The following NARS2 variants were observed in gnomAD, a reference collection of about 807,000 sequenced individuals.
NARS2 encodes asparaginyl-tRNA synthetase 2, mitochondrial.
In NARS2, 60 loss-of-function variants were observed where a neutral mutation model predicts 62.9. The ratio of observed to expected loss-of-function variants is 0.95; its 90% confidence interval spans 0.77 to 1.18. NARS2 has a LOEUF of 1.18. Among genes scored for constraint, NARS2 ranks in the 50% most tolerant of loss-of-function variants. NARS2 has a pLI of 0.00. For missense variants in NARS2, 619 were observed against 576.4 expected (o/e 1.07, Z -0.76); for synonymous variants, 196 against 200.0 (o/e 0.98, Z 0.17).
intron 5 of NARS2, among the ~76,000 whole-genome samples, chr11:78,536,768 G>A (rs1409109436): frequency 6.6e-6 from 1 of 152,048 alleles, no homozygotes; most frequent in Non-Finnish European, 1.5e-5. Flanking sequence ...TAAGTACATA[G>A]GTTTGCAAAG....
intron 6 of NARS2, among the ~76,000 whole-genome samples, chr11:78,516,273 C>A (rs1404410503): frequency 6.6e-6 from 1 of 152,140 alleles, no homozygotes. Flanking sequence ...ATAAAATGCT[C>A]TACAATAATG....
At chr11:78,438,119 C>T (rs923131362) in intron 13 of NARS2, among the ~76,000 whole-genome samples, 3 of 152,040 alleles carry the variant, frequency 2.0e-5, no homozygotes, top group African/African-American at 7.2e-5. Flanking sequence ...TAAAGACTGT[C>T]CATCAACCTA....
intron 4 of NARS2, among the ~76,000 whole-genome samples, chr11:78,560,987 G>A (rs1425722862): frequency 2.0e-5 from 3 of 152,198 alleles, no homozygotes; most frequent in Non-Finnish European, 4.4e-5. Flanking sequence ...GTGGGGAAGG[G>A]GAGGTGGAGA....
At chr11:78,530,051 T>C (rs1861423977) in intron 5 of NARS2, among the ~76,000 whole-genome samples, 1 of 152,182 alleles carries the variant, frequency 6.6e-6, no homozygotes. Flanking sequence ...TGTGGATAAA[T>C]AAAAAATGTA....
In NARS2 at chr11:78,440,738, G is replaced by C. The variant is rs546355413; in HGVS notation, c.1289+353C>G. 2.0e-5 allele frequency among the ~76,000 whole-genome samples: 3 copies of C among 152,004 alleles called. No individual in the cohort carries two copies. In the South Asian group the frequency reaches 6.2e-4, roughly 32 times the overall value. On this transcript the variant is annotated intron_variant, in intron 13 of 13. Coordinates refer to ENST00000281038, the MANE Select transcript of NARS2 (RefSeq NM_024678.6). ...AGTAGAGATGGGGTTTCACCATGCT[G>C]GCCAGGCTGGTCTCCAACTCCTGAC...
intron 11 of NARS2, 35 bp from the exon 12 acceptor site, chr11:78,443,793 T>A (rs1213806546): frequency 6.8e-7 from 1 of 1,466,982 alleles, no homozygotes; most frequent in Non-Finnish European, 9.5e-7. Flanking sequence ...GCATTATATT[T>A]TCAGGTGATT....
chr11:78,445,218 A>C (rs1243525325), intron 11 of NARS2, among the ~76,000 whole-genome samples: 1 of 152,186 alleles, frequency 6.6e-6, no homozygotes, highest in Non-Finnish European at 1.5e-5. Context: ...AACATCAAAA[A>C]ACTCTTAGTA....
intron 11 of NARS2, among the ~76,000 whole-genome samples, chr11:78,458,351 T>C (rs1465633389): frequency 2.0e-5 from 3 of 152,198 alleles, no homozygotes; most frequent in African/African-American, 7.2e-5. Context: ...AAAACACAGC[T>C]ATCTACTTTT....
intron 6 of NARS2, among the ~76,000 whole-genome samples, chr11:78,494,315 T>A (rs1471232695): frequency 1.3e-5 from 2 of 152,218 alleles, no homozygotes; most frequent in Non-Finnish European, 2.9e-5. Context: ...AATGTTAAGG[T>A]TTTGTTAGAA....
chr11:78,549,754 C>T (rs1268087156), intron 5 of NARS2, among the ~76,000 whole-genome samples: 1 of 152,096 alleles, frequency 6.6e-6, no homozygotes, highest in Non-Finnish European at 1.5e-5. Context: ...GAAAAGACAG[C>T]CAAAGAAAGC....
chr11:78,484,841 T>G (rs1219701279), intron 7 of NARS2, among the ~76,000 whole-genome samples: 2 of 152,198 alleles, frequency 1.3e-5, no homozygotes, highest in Non-Finnish European at 2.9e-5. Context: ...CTCAAGAATC[T>G]AGAACCAGAA....
chr11:78,463,024 G>A (rs1419794040), intron 11 of NARS2, among the ~76,000 whole-genome samples: 1 of 152,048 alleles, frequency 6.6e-6, no homozygotes, highest in African/African-American at 2.4e-5. Flanking sequence ...ATTTAGAAAA[G>A]TAAAATATAT....
intron 7 of NARS2, among the ~76,000 whole-genome samples, chr11:78,482,978 C>T (rs1414061170): frequency 6.6e-6 from 1 of 152,100 alleles, no homozygotes; most frequent in Non-Finnish European, 1.5e-5. Context: ...AACATCAATA[C>T]GAAAATCCTT....
rs562963203 is a variant in NARS2 at position 78,560,061 on chromosome 11, T to C, written c.514-442A>G. On this transcript the variant is annotated intron_variant, in intron 4 of 13. Coordinates refer to ENST00000281038, the MANE Select transcript of NARS2 (RefSeq NM_024678.6). The stretch of plus-strand genomic sequence containing the variant: ...TAATGCATAATGATGCTGCCCACGT[T>C]GCTAGAGGAATACAAAGCGATCAGT... 1.1e-4 allele frequency among the ~76,000 whole-genome samples: 17 copies of C among 152,284 alleles called. No homozygotes were observed. In the East Asian group the frequency reaches 3.3e-3, roughly 29 times the overall value.
At chr11:78,529,556 G>A (rs1249847938) in intron 5 of NARS2, among the ~76,000 whole-genome samples, 1 of 152,126 alleles carries the variant, frequency 6.6e-6, no homozygotes, top group African/African-American at 2.4e-5. Flanking sequence ...GAAATGAGTA[G>A]GAAACAAGCC....
chr11:78,496,519 A>G (rs1165982271), intron 6 of NARS2, among the ~76,000 whole-genome samples: 1 of 152,150 alleles, frequency 6.6e-6, no homozygotes, highest in African/African-American at 2.4e-5. Flanking sequence ...TCAAATCCAC[A>G]TTTCTGACTC....
At chr11:78,438,221 C>A (rs1438473358) in intron 13 of NARS2, among the ~76,000 whole-genome samples, 1 of 151,614 alleles carries the variant, frequency 6.6e-6, no homozygotes, top group Non-Finnish European at 1.5e-5. Flanking sequence ...AGATTAACTC[C>A]AAACAGATGA....
intron 11 of NARS2, 52 bp from the exon 12 acceptor site, chr11:78,443,810 G>T: frequency 1.5e-6 from 2 of 1,345,986 alleles, no homozygotes; most frequent in Non-Finnish European, 2.1e-6. Flanking sequence ...GATTCCAACA[G>T]TCAGTTTCTG....
At chr11:78,492,775 T>C (rs1770680913) in intron 7 of NARS2, among the ~76,000 whole-genome samples, 1 of 152,168 alleles carries the variant, frequency 6.6e-6, no homozygotes, top group African/African-American at 2.4e-5. Context: ...CACATAACCT[T>C]AGGAGTAAGC....
Sources: gnomAD v4.1 joint callset for allele counts (sites outside exome capture counted in the v4.1 genomes callset) on GRCh38, gnomAD v4.1.1 for gene constraint, MANE v1.5 for transcripts, NCBI Gene and HGNC (gene_info 2026-07-23, HGNC 2026-07-21) for gene names.